The following MAPKBP1 variants were observed in gnomAD, a reference collection of about 807,000 sequenced individuals.
MAPKBP1 encodes the protein mitogen-activated protein kinase-binding protein 1.
MAPKBP1 carries 71 observed loss-of-function variants against 170.5 expected under a neutral mutation model. The observed-to-expected ratio is 0.42, with a 90% CI of 0.34 to 0.51. The LOEUF (loss-of-function observed/expected upper bound fraction) is 0.51, where lower values mean the gene tolerates loss of function less well. MAPKBP1 is among the 20% of genes least tolerant of loss of function. The pLI is 0.06. For missense variants in MAPKBP1, 1,598 were observed against 1,933.0 expected, an observed-to-expected ratio of 0.83 and a Z score of 3.25; for synonymous variants, 719 against 757.9, an observed-to-expected ratio of 0.95 and a Z score of 0.84.
chr15:41,778,628 A>G (rs1400564172), intron 2 of MAPKBP1, among the ~76,000 whole-genome samples: 1 of 152,248 alleles, frequency 6.6e-6, no homozygotes, highest in East Asian at 1.9e-4. Flanking sequence ...GTTATCAGTA[A>G]ATACCCAAGT....
chr15:41,821,181 A>C, intron 23 of MAPKBP1, 113 bp downstream of exon 23: 2 of 1,012,048 alleles, frequency 2.0e-6, no homozygotes, highest in South Asian at 2.8e-5. Flanking sequence ...CCCCTGTGGC[A>C]CATGGGTAAC....
At chr15:41,821,785 C>T (rs200595937) in intron 24 of MAPKBP1, 35 bp downstream of exon 24, 29 of 1,612,010 alleles carry the variant, frequency 1.8e-5, no homozygotes, top group African/African-American at 6.7e-5. Context: ...CCCGTGCCCC[C>T]GTCTTCCCCT....
intron 30 of MAPKBP1, 43 bp downstream of exon 30, chr15:41,824,612 T>C (rs1333554155): frequency 1.3e-6 from 2 of 1,518,458 alleles, no homozygotes; most frequent in Non-Finnish European, 1.8e-6. Context: ...GGCACGTCAG[T>C]AGTGCTGGGT....
At chr15:41,808,740 T>C (rs562949331) in intron 3 of MAPKBP1, among the ~76,000 whole-genome samples, 67 of 152,106 alleles carry the variant, frequency 4.4e-4, no homozygotes, top group African/African-American at 1.5e-3. Flanking sequence ...CCTCCCGAAG[T>C]GCTGGGATTA....
At chr15:41,792,996 C>A (rs1243156683) in intron 2 of MAPKBP1, among the ~76,000 whole-genome samples, 1 of 152,016 alleles carries the variant, frequency 6.6e-6, no homozygotes, top group Non-Finnish European at 1.5e-5. Flanking sequence ...TTTCCAACTA[C>A]ATATCCAAAT....
chr15:41,822,107 G>A lies in MAPKBP1; in HGVS notation c.3028G>A (p.Glu1010Lys), dbSNP rs1250881181. The A allele has an allele frequency of 1.3e-6, 2 of 1,521,722 alleles. No homozygotes were observed. Among genetic ancestry groups the A allele is most frequent in the Non-Finnish European group, 1.8e-6 (2 of 1,124,444 alleles). 94.3% of individuals were successfully genotyped at this position (1,521,722 alleles called of 1,614,324 possible). ...CCTTTCCAGCCCGGAGCACCCCACT[G>A]AAGGTGAGGCTGTAGCCTGGAGGGA... ...SCLSSPEHPT[E>K]DSESTEPLSV... The change falls in exon 25 of 31, where the codon GAA becomes AAA. Residue 1010 changes from glutamate (E) to lysine (K), a missense_variant. Physicochemically the swap from Glu to Lys is moderately conservative, Grantham distance 56. Transcript: ENST00000457542.
chr15:41,808,820 G>A (rs1288631030), intron 3 of MAPKBP1, among the ~76,000 whole-genome samples: 1 of 151,982 alleles, frequency 6.6e-6, no homozygotes, highest in African/African-American at 2.4e-5. Context: ...TTCTAGAAGG[G>A]GAAGCAGGAG....
chr15:41,815,653 G>C lies in MAPKBP1; in HGVS notation c.1347G>C (p.Gly449=). The C allele has an allele frequency of 6.2e-7, 1 of 1,613,982 alleles. No individual in the cohort carries two copies. Among genetic ancestry groups the C allele is most frequent in the Non-Finnish European group, 8.5e-7 (1 of 1,179,902 alleles). ...SDLIKIIYVD[G]NTQALLDTEL... is the part of the protein sequence containing the mutation. ...TCATTAAAATCATCTATGTGGATGGGAACACCCAGGCCCTGCTGGACACAG... is the reference window on the plus strand; with the variant it reads ...TCATTAAAATCATCTATGTGGATGGCAACACCCAGGCCCTGCTGGACACAG... The change falls in exon 12 of 31, where the codon GGG becomes GGC. Residue 449 remains glycine, a synonymous_variant. Coordinates refer to ENST00000457542, the MANE Select transcript of MAPKBP1 (RefSeq NM_014994.3).
chr15:41,812,857 G>T, intron 7 of MAPKBP1, 62 bp from the exon 8 acceptor site: 1 of 1,534,186 alleles, frequency 6.5e-7, no homozygotes. Context: ...CTCTCCTAGG[G>T]CCCAGTTTCC....
At chr15:41,789,008 C>T (rs1380001091) in intron 2 of MAPKBP1, among the ~76,000 whole-genome samples, 1 of 152,192 alleles carries the variant, frequency 6.6e-6, no homozygotes, top group Non-Finnish European at 1.5e-5. Flanking sequence ...AGGAAACCTT[C>T]CTTCTTCCCT....
chr15:41,825,584 TG>T lies in MAPKBP1; in HGVS notation c.*154del, dbSNP rs3832985. On this transcript the variant is annotated 3_prime_UTR_variant, in exon 31 of 31. Transcript: ENST00000457542. ...AAGCAGCCTTCCCAGCCGCTCCTCG[TG>T]GGGGGCCTGTATTTATTAATTTATT... is the stretch of plus-strand genomic sequence containing the variant. 4.8e-6 allele frequency: 3 copies of T among 623,048 alleles called. No individual in the cohort carries two copies. Among genetic ancestry groups the T allele is most frequent in the Non-Finnish European group, 8.1e-6 (3 of 368,744 alleles). 38.6% of individuals were successfully genotyped at this position (623,048 alleles called of 1,614,324 possible).
At chr15:41,802,608 G>C (rs1243220326) in intron 3 of MAPKBP1, among the ~76,000 whole-genome samples, 1 of 152,080 alleles carries the variant, frequency 6.6e-6, no homozygotes, top group Admixed American at 6.5e-5. Context: ...TGAGTAGTTG[G>C]GATTACAGGC....
intron 30 of MAPKBP1, among the ~76,000 whole-genome samples, chr15:41,824,814 C>T (rs2065063209): frequency 6.6e-6 from 1 of 152,204 alleles, no homozygotes; most frequent in African/African-American, 2.4e-5. Flanking sequence ...AGAGACCACA[C>T]CTCCTAGTTG....
At position 41,823,173 on chromosome 15, in the gene MAPKBP1, CT is replaced by C; in HGVS notation, c.3553del (p.Ser1185LeufsTer144). 1.2e-6 allele frequency: 2 copies of C among 1,613,722 alleles called. No individual in the cohort carries two copies. The highest frequency in any genetic ancestry group is 1.7e-6 in the Non-Finnish European group (2 of 1,180,026). ...CCAAGAGAGTGGCCACAGCCAGCCC[CT>C]TTTCTGGACTCCAGAAGGCCCAGTC... Reference protein sequence around the residue: ...APKRVATASPFSGLQKAQSVH... With the variant: ...APKRVATASPXSGLQKAQSVH... On this transcript the variant is annotated frameshift_variant, in exon 28 of 31. Transcript: ENST00000457542. LOFTEE classifies it high-confidence loss of function.
chr15:41,808,479 CT>C (rs1351249642), intron 3 of MAPKBP1, among the ~76,000 whole-genome samples: 251 of 138,012 alleles, frequency 1.8e-3, no homozygotes, highest in East Asian at 2.2e-3. Flanking sequence ...TTTTGTCGTA[CT>C]TTTTTTTTTT....
chr15:41,803,434 A>AAAAAAAAAGG (rs58804270), intron 3 of MAPKBP1, among the ~76,000 whole-genome samples: 2 of 90,758 alleles, frequency 2.2e-5, no homozygotes, highest in Non-Finnish European at 4.1e-5. Flanking sequence ...AAAAAAAAAA[A>AAAAAAAAAGG]AGGTTAAGCA....
At chr15:41,788,060 C>T (rs1357634546) in intron 2 of MAPKBP1, among the ~76,000 whole-genome samples, 1 of 151,894 alleles carries the variant, frequency 6.6e-6, no homozygotes, top group African/African-American at 2.4e-5. Flanking sequence ...CAGGTTCAAG[C>T]AATTCTTTTG....
At chr15:41,792,649 G>C (rs2064413879) in intron 2 of MAPKBP1, among the ~76,000 whole-genome samples, 1 of 152,244 alleles carries the variant, frequency 6.6e-6, no homozygotes, top group South Asian at 2.1e-4. Context: ...GCCTGCAGCA[G>C]TTGTGTCCCA....
chr15:41,812,743 C>A, intron 7 of MAPKBP1, 90 bp downstream of exon 7: 1 of 1,495,092 alleles, frequency 6.7e-7, no homozygotes, highest in Non-Finnish European at 8.9e-7. Context: ...TTGGGCCTCT[C>A]TCTGCATTCC....
Sources: allele counts gnomAD v4.1 joint callset (sites outside exome capture counted in the v4.1 genomes callset), GRCh38; gene constraint gnomAD v4.1.1; transcripts MANE v1.5; gene names NCBI Gene and HGNC (gene_info 2026-07-23, HGNC 2026-07-21).